The following DYM variants were observed in gnomAD, a reference collection of about 807,000 sequenced individuals.
The protein encoded by DYM is dymeclin, also known as dyggve-Melchior-Clausen syndrome protein.
In DYM, 78 loss-of-function variants were observed where a neutral mutation model predicts 93.1. That is an observed-to-expected ratio of 0.84 (90% confidence interval 0.70 to 1.01). The LOEUF is 1.01. DYM is among the 50% of genes least tolerant of loss of function. The pLI is 0.00. For missense variants in DYM, 789 were observed against 845.0 expected (o/e 0.93, Z 0.82); for synonymous variants, 321 against 319.7 (o/e 1.00, Z -0.04).
intron 17 of DYM, among the ~76,000 whole-genome samples, chr18:49,078,409 T>A (rs1222590067): frequency 6.6e-6 from 1 of 150,452 alleles, no homozygotes; most frequent in Non-Finnish European, 1.5e-5. Context: ...ATATATATAC[T>A]ACTTCATGTA....
intron 8 of DYM, among the ~76,000 whole-genome samples, chr18:49,289,255 T>C (rs975234674): frequency 6.6e-6 from 1 of 151,876 alleles, no homozygotes; most frequent in African/African-American, 2.4e-5. Context: ...AGAAACAACA[T>C]TCAAGAATAC....
intron 5 of DYM, among the ~76,000 whole-genome samples, chr18:49,366,430 AGT>A (rs533951626): frequency 1.3e-5 from 2 of 152,358 alleles, no homozygotes; most frequent in South Asian, 4.1e-4. Flanking sequence ...GCAAAGATTC[AGT>A]GTGTTTACTG....
chr18:49,078,515 C>T (rs973316679), intron 17 of DYM, among the ~76,000 whole-genome samples: 1 of 152,010 alleles, frequency 6.6e-6, no homozygotes, highest in Admixed American at 6.5e-5. Context: ...GATTATAAAT[C>T]CTAAAAACCA....
At chr18:49,280,432 C>T (rs1354462934) in intron 10 of DYM, among the ~76,000 whole-genome samples, 1 of 152,150 alleles carries the variant, frequency 6.6e-6, no homozygotes, top group African/African-American at 2.4e-5. Flanking sequence ...TCAGCATTCT[C>T]ATCAGGAATA....
chr18:49,231,571 G>A (rs1465092040), intron 13 of DYM, among the ~76,000 whole-genome samples: 1 of 152,194 alleles, frequency 6.6e-6, no homozygotes, highest in African/African-American at 2.4e-5. Flanking sequence ...AAGTGAAAAT[G>A]CAGGTCACAG....
At chr18:49,068,644 T>A (rs1288797) in intron 17 of DYM, among the ~76,000 whole-genome samples, 1 of 152,042 alleles carries the variant, frequency 6.6e-6, no homozygotes, top group Non-Finnish European at 1.5e-5. Context: ...ACTTGGCTGC[T>A]TTTTTAAAAA....
intron 15 of DYM, among the ~76,000 whole-genome samples, chr18:49,145,813 T>C (rs375955849): frequency 6.6e-6 from 1 of 152,214 alleles, no homozygotes; most frequent in Non-Finnish European, 1.5e-5. Flanking sequence ...CTTATATATA[T>C]GTCTATGTAT....
intron 16 of DYM, among the ~76,000 whole-genome samples, chr18:49,106,566 G>A (rs1350010922): frequency 4.6e-5 from 7 of 152,168 alleles, no homozygotes; most frequent in Non-Finnish European, 2.9e-5. Flanking sequence ...TCTATGTTTA[G>A]TGCTTCCTTC....
intron 5 of DYM, among the ~76,000 whole-genome samples, chr18:49,366,081 TAA>T (rs34868435): frequency 6.7e-6 from 1 of 150,370 alleles, no homozygotes; most frequent in African/African-American, 2.4e-5. Context: ...TTCCATTCAC[TAA>T]AAAAAAAATT....
At chr18:49,406,945 T>A (rs1391853764) in intron 2 of DYM, among the ~76,000 whole-genome samples, 1 of 152,216 alleles carries the variant, frequency 6.6e-6, no homozygotes, top group Non-Finnish European at 1.5e-5. Flanking sequence ...ATGATCCAAA[T>A]GTCCCTCAGT....
chr18:49,184,203 T>C (rs547594262), intron 14 of DYM, among the ~76,000 whole-genome samples: 1 of 151,740 alleles, frequency 6.6e-6, no homozygotes, highest in Non-Finnish European at 1.5e-5. Context: ...TAGTAAAAAC[T>C]CTTCTGTTGG....
intron 14 of DYM, among the ~76,000 whole-genome samples, chr18:49,189,118 A>G (rs1317382307): frequency 1.3e-5 from 2 of 152,238 alleles, no homozygotes; most frequent in Admixed American, 1.3e-4. Flanking sequence ...ACACATGGAC[A>G]TAAAGATGGG....
At chr18:49,196,564 A>T (rs1167125205) in intron 14 of DYM, among the ~76,000 whole-genome samples, 1 of 152,174 alleles carries the variant, frequency 6.6e-6, no homozygotes, top group Admixed American at 6.5e-5. Context: ...GAACCATAAT[A>T]TTAACATAAC....
intron 13 of DYM, among the ~76,000 whole-genome samples, chr18:49,211,663 T>G (rs2092791700): frequency 6.6e-6 from 1 of 152,098 alleles, no homozygotes; most frequent in African/African-American, 2.4e-5. Flanking sequence ...CTACTGCATG[T>G]GGGAATAGTG....
chr18:49,421,963 T>C (rs1288148641), intron 2 of DYM, among the ~76,000 whole-genome samples: 1 of 151,960 alleles, frequency 6.6e-6, no homozygotes, highest in Non-Finnish European at 1.5e-5. Flanking sequence ...GAAGAAAGAA[T>C]AAAAAGAAAT....
intron 17 of DYM, among the ~76,000 whole-genome samples, chr18:49,047,516 C>G (rs1386854952): frequency 6.6e-6 from 1 of 152,164 alleles, no homozygotes; most frequent in Non-Finnish European, 1.5e-5. Context: ...CTTTATTTTT[C>G]TTTCTTTATT....
chr18:49,430,746 G>A (rs935655771), intron 1 of DYM, among the ~76,000 whole-genome samples: 17 of 152,038 alleles, frequency 1.1e-4, no homozygotes, highest in African/African-American at 3.4e-4. Flanking sequence ...TTAGCTGGGC[G>A]TGGTGGCACG....
At chr18:49,378,154 G>A (rs1390032984) in intron 5 of DYM, among the ~76,000 whole-genome samples, 1 of 152,168 alleles carries the variant, frequency 6.6e-6, no homozygotes, top group African/African-American at 2.4e-5. Context: ...ATTGCTGCAC[G>A]CTATGAAAGT....
At chr18:49,074,223 A>G (rs567574476) in intron 17 of DYM, among the ~76,000 whole-genome samples, 1 of 152,246 alleles carries the variant, frequency 6.6e-6, no homozygotes, top group Non-Finnish European at 1.5e-5. Context: ...GGATAGTTGC[A>G]TCTGCACTGA....
Sources: gnomAD v4.1 joint callset for allele counts (sites outside exome capture counted in the v4.1 genomes callset) on GRCh38, gnomAD v4.1.1 for gene constraint, MANE v1.5 for transcripts, NCBI Gene and HGNC (gene_info 2026-07-23, HGNC 2026-07-21) for gene names.